The following SORBS2 variants were observed in gnomAD, a reference collection of about 807,000 sequenced individuals.
SORBS2 encodes sorbin and SH3 domain containing 2.
A neutral mutation model predicts 97.7 loss-of-function variants in SORBS2; 46 were observed. The observed-to-expected ratio is 0.47, with a 90% CI of 0.37 to 0.60. SORBS2 has a LOEUF of 0.60. SORBS2 is among the 20% of genes least tolerant of loss of function. SORBS2 has a pLI of 0.00. For synonymous variants in SORBS2, 476 were observed against 473.4 expected (o/e 1.01, Z -0.07); for missense variants, 1,316 against 1,282.3 (o/e 1.03, Z -0.40).
At chr4:185,718,729 TC>T (rs1478661647) in intron 2 of SORBS2, among the ~76,000 whole-genome samples, 1 of 152,226 alleles carries the variant, frequency 6.6e-6, no homozygotes, top group Non-Finnish European at 1.5e-5. Context: ...CATTCCAGAT[TC>T]TGGTCATTAA....
chr4:185,716,039 A>G (rs1181859173), intron 2 of SORBS2, among the ~76,000 whole-genome samples: 1 of 152,258 alleles, frequency 6.6e-6, no homozygotes, highest in African/African-American at 2.4e-5. Flanking sequence ...TCTTCTAATA[A>G]ATAGAAATAG....
intron 2 of SORBS2, among the ~76,000 whole-genome samples, chr4:185,751,285 G>C (rs2098799055): frequency 6.6e-6 from 1 of 151,384 alleles, no homozygotes. Context: ...AGGTGGCTAA[G>C]TCAGTTTGGA....
chr4:185,671,155 A>G (rs1561823842), intron 4 of SORBS2, among the ~76,000 whole-genome samples: 1 of 152,134 alleles, frequency 6.6e-6, no homozygotes, highest in Admixed American at 6.5e-5. Context: ...GCCTCATAAT[A>G]AAAATTATTT....
intron 2 of SORBS2, among the ~76,000 whole-genome samples, chr4:185,770,204 G>T (rs111928065): frequency 1.3e-5 from 2 of 151,856 alleles, no homozygotes; most frequent in South Asian, 4.2e-4. Context: ...TCAGCCTCCC[G>T]AGTAGGATGG....
chr4:185,737,965 A>G (rs1182575371), intron 2 of SORBS2, among the ~76,000 whole-genome samples: 3 of 152,202 alleles, frequency 2.0e-5, no homozygotes, highest in African/African-American at 2.4e-5. Context: ...TCCCTTCACA[A>G]TGGCAGCCAC....
intron 2 of SORBS2, among the ~76,000 whole-genome samples, chr4:185,726,028 A>G (rs1182477379): frequency 6.6e-6 from 1 of 152,146 alleles, no homozygotes; most frequent in African/African-American, 2.4e-5. Flanking sequence ...CATTTTAACC[A>G]GATGCCTACA....
At chr4:185,619,970 C>T (rs568054956) in intron 8 of SORBS2, 93 bp downstream of exon 20, 17 of 805,252 alleles carry the variant, frequency 2.1e-5, no homozygotes, top group East Asian at 4.9e-5. Flanking sequence ...ATTTCCTGTC[C>T]GAGTTCGTTA....
chr4:185,919,797 C>T (rs983400505), intron 1 of SORBS2, among the ~76,000 whole-genome samples: 1 of 152,256 alleles, frequency 6.6e-6, no homozygotes, highest in Non-Finnish European at 1.5e-5. Context: ...TTACTTCGCT[C>T]ATATCTTATT....
intron 2 of SORBS2, among the ~76,000 whole-genome samples, chr4:185,761,838 C>T (rs962351925): frequency 6.6e-6 from 1 of 152,150 alleles, no homozygotes; most frequent in South Asian, 2.1e-4. Flanking sequence ...AAACACAGGG[C>T]TATTTATGTC....
chr4:185,628,050 A>G (rs1382935149), intron 5 of SORBS2, among the ~76,000 whole-genome samples: 1 of 152,172 alleles, frequency 6.6e-6, no homozygotes, highest in Non-Finnish European at 1.5e-5. Flanking sequence ...CTATTATTAC[A>G]TGGATGCGCC....
At chr4:185,798,001 C>T (rs2099113607) in intron 1 of SORBS2, among the ~76,000 whole-genome samples, 1 of 152,196 alleles carries the variant, frequency 6.6e-6, no homozygotes, top group African/African-American at 2.4e-5. Context: ...GTTTCCCCTC[C>T]CTCATCCCAA....
At chr4:185,876,582 A>T (rs879346882) in intron 1 of SORBS2, among the ~76,000 whole-genome samples, 5 of 152,206 alleles carry the variant, frequency 3.3e-5, no homozygotes, top group Non-Finnish European at 5.9e-5. Flanking sequence ...GCTTGAAAGA[A>T]AAGCATTGGT....
At chr4:185,767,400 T>C (rs2098941284) in intron 2 of SORBS2, among the ~76,000 whole-genome samples, 1 of 135,182 alleles carries the variant, frequency 7.4e-6, no homozygotes. Flanking sequence ...CTCGGGAGGC[T>C]GAGGCAGGGG....
intron 13 of SORBS2, chr4:185,593,160 G>A (rs928155942): frequency 3.3e-5 from 5 of 152,448 alleles, no homozygotes; most frequent in African/African-American, 1.2e-4. Context: ...CCATGAATAA[G>A]CCTTCCCAGG....
chr4:185,777,964 A>G (rs1022775734), intron 1 of SORBS2, among the ~76,000 whole-genome samples: 8 of 152,236 alleles, frequency 5.3e-5, no homozygotes, highest in African/African-American at 1.9e-4. Context: ...GTCTCTTCCT[A>G]AAACATGTAA....
intron 2 of SORBS2, among the ~76,000 whole-genome samples, chr4:185,731,832 TTCTC>T (rs1201714307): frequency 0.012 from 410 of 33,126 alleles, 3 homozygotes; most frequent in African/African-American, 0.014. Context: ...GTCTCTCTCT[TTCTC>T]TCTCTCTCTC....
At chr4:185,624,598 G>A in intron 6 of SORBS2, 104 bp from the exon 19 acceptor site, 1 of 1,257,684 alleles carries the variant, frequency 8.0e-7, no homozygotes, top group Non-Finnish European at 1.1e-6. Flanking sequence ...GCATAGCAAG[G>A]AGAAAGCAGT....
intron 4 of SORBS2, among the ~76,000 whole-genome samples, chr4:185,669,533 G>A (rs931104153): frequency 3.3e-5 from 5 of 152,174 alleles, no homozygotes; most frequent in Admixed American, 2.0e-4. Flanking sequence ...GTGGAGCGGG[G>A]ATGTGAAGAA....
chr4:185,700,423 G>A (rs576544355), intron 2 of SORBS2, among the ~76,000 whole-genome samples: 3 of 152,016 alleles, frequency 2.0e-5, no homozygotes, highest in Non-Finnish European at 4.4e-5. Context: ...ACTACCAGCA[G>A]CAACAGGAAA....
Sources: allele counts gnomAD v4.1 joint callset (sites outside exome capture counted in the v4.1 genomes callset), GRCh38; gene constraint gnomAD v4.1.1; transcripts MANE v1.5; gene names NCBI Gene and HGNC (gene_info 2026-07-23, HGNC 2026-07-21).